CCDC102B: variants seen among roughly 807,000 people sequenced by gnomAD.
CCDC102B encodes coiled-coil domain containing 102B.
A neutral mutation model predicts 57.4 loss-of-function variants in CCDC102B; 75 were observed. The observed-to-expected ratio is 1.31, with a 90% CI of 1.08 to 1.58. CCDC102B has a LOEUF of 1.58. Ranked by LOEUF, CCDC102B falls within the 40% of genes most tolerant of loss-of-function variation. The probability of loss-of-function intolerance (pLI) is 0.00; values close to 1 mark genes in which losing one functional copy is unlikely to be tolerated. For missense variants in CCDC102B, 636 were observed against 582.6 expected (o/e 1.09, Z -0.94); for synonymous variants, 206 against 201.9 (o/e 1.02, Z -0.17).
chr18:68,990,760 A>G (rs2050843461), intron 6 of CCDC102B, among the ~76,000 whole-genome samples: 1 of 152,178 alleles, frequency 6.6e-6, no homozygotes, highest in Non-Finnish European at 1.5e-5. Context: ...TATTAGAAGT[A>G]ATGTTGAGTA....
chr18:68,779,133 G>A (rs2034922468), intron 2 of CCDC102B, among the ~76,000 whole-genome samples: 1 of 151,972 alleles, frequency 6.6e-6, no homozygotes, highest in Non-Finnish European at 1.5e-5. Context: ...TCATCTCCCA[G>A]TAGCTTGATA....
chr18:68,943,861 C>T (rs373734339), intron 6 of CCDC102B, among the ~76,000 whole-genome samples: 58 of 152,108 alleles, frequency 3.8e-4, no homozygotes, highest in African/African-American at 9.9e-4. Flanking sequence ...ATTCTACAGA[C>T]GTAAAAACCT....
intron 6 of CCDC102B, among the ~76,000 whole-genome samples, chr18:68,959,750 A>G (rs2049998913): frequency 6.6e-6 from 1 of 151,934 alleles, no homozygotes; most frequent in Non-Finnish European, 1.5e-5. Flanking sequence ...TCAAGCAGAA[A>G]TGTCTCCCTA....
intron 6 of CCDC102B, among the ~76,000 whole-genome samples, chr18:68,980,397 A>G (rs965461962): frequency 1.6e-5 from 2 of 128,194 alleles, no homozygotes; most frequent in African/African-American, 6.9e-5. Flanking sequence ...GTCTTGGTGA[A>G]AAAAAAAAAA....
chr18:68,767,240 G>A (rs1237494171), intron 2 of CCDC102B, among the ~76,000 whole-genome samples: 1 of 152,212 alleles, frequency 6.6e-6, no homozygotes, highest in African/African-American at 2.4e-5. Context: ...GACCTCATAT[G>A]TGAAGCTCTA....
intron 7 of CCDC102B, among the ~76,000 whole-genome samples, chr18:69,021,289 T>C (rs2051825898): frequency 6.6e-6 from 1 of 152,206 alleles, no homozygotes; most frequent in African/African-American, 2.4e-5. Flanking sequence ...GATTTTAAGA[T>C]TATGAGAATA....
At chr18:69,039,524 T>C (rs1188927890) in intron 7 of CCDC102B, among the ~76,000 whole-genome samples, 4 of 151,952 alleles carry the variant, frequency 2.6e-5, no homozygotes, top group South Asian at 2.1e-4. Context: ...TATTATTATA[T>C]TGATATTTTA....
intron 2 of CCDC102B, among the ~76,000 whole-genome samples, chr18:68,725,747 G>A (rs1244606900): frequency 1.3e-5 from 2 of 152,112 alleles, no homozygotes; most frequent in African/African-American, 4.8e-5. Flanking sequence ...AAAGTCACCT[G>A]GTTAATTTTA....
At chr18:68,881,013 C>T (rs78907303) in intron 5 of CCDC102B, among the ~76,000 whole-genome samples, 1,616 of 152,256 alleles carry the variant, frequency 0.011, 36 homozygotes, top group East Asian at 0.08. Context: ...ATATTTGAGT[C>T]TCTGATTTTA....
At chr18:68,782,803 C>A (rs927024811) in intron 2 of CCDC102B, among the ~76,000 whole-genome samples, 4 of 152,094 alleles carry the variant, frequency 2.6e-5, no homozygotes, top group African/African-American at 7.2e-5. Context: ...TTTCATAATA[C>A]AGTAAAAATA....
chr18:68,931,654 G>C (rs12961875), intron 6 of CCDC102B, among the ~76,000 whole-genome samples: 84,974 of 151,704 alleles, frequency 0.56, 24,106 homozygotes, highest in African/African-American at 0.6. Context: ...GTAAGAATGG[G>C]GTCAGGGGAG....
At position 68,732,442 on chromosome 18, in the gene CCDC102B, T is replaced by G. The variant is rs140817988; in HGVS notation, c.-67+15848T>G. ...CTCATTGCAACCTCCGCCTCCCAAG[T>G]TCAAGCAATTCTCTGCCTCAGCCTC... On this transcript the variant is annotated intron_variant, in intron 2 of 3. Transcript: ENST00000578970. Among the ~76,000 whole-genome samples the G allele has an allele frequency of 8.2e-4, 124 of 151,978 alleles. 1 individual carries two copies. In the East Asian group the frequency reaches 0.015, roughly 19 times the overall value.
Position 68,810,671 on chromosome 18 carries a change from C to CTTTGTTTGTTTTTTTTTT in CCDC102B, c.-16+12493_-16+12494insGTTTGTTTTTTTTTTTTT, listed in dbSNP as rs1568263108. Among the ~76,000 whole-genome samples, 3 of 70,056 alleles carry CTTTGTTTGTTTTTTTTTT rather than the reference C, an allele frequency of 4.3e-5. 1 individual carries two copies. The highest frequency in any genetic ancestry group is 6.4e-5 in the Non-Finnish European group (2 of 31,036). The allele number at this position is 70,056 out of a possible 152,430, so 46.0% of individuals were successfully genotyped here. On this transcript the variant is annotated intron_variant, in intron 1 of 7. Transcript: ENST00000360242. ...AGACGGTTTTGAAAAATTTTCTTTTCTTTTCTTTGTTTTTTTTTTTTTTTT... is the reference window on the plus strand; with the variant it reads ...AGACGGTTTTGAAAAATTTTCTTTTCTTTGTTTGTTTTTTTTTTTTTTCTTTGTTTTTTTTTTTTTTTT...
intron 5 of CCDC102B, among the ~76,000 whole-genome samples, chr18:68,875,506 A>C (rs193182650): frequency 6.6e-6 from 1 of 152,296 alleles, no homozygotes; most frequent in Non-Finnish European, 1.5e-5. Context: ...TTACAGACTG[A>C]AATGAATTTA....
chr18:68,782,282 A>G (rs2035030613), intron 2 of CCDC102B, among the ~76,000 whole-genome samples: 1 of 152,120 alleles, frequency 6.6e-6, no homozygotes, highest in Non-Finnish European at 1.5e-5. Flanking sequence ...AGGAAAATCA[A>G]CCTATACACC....
chr18:68,870,591 A>G (rs2039201396), intron 4 of CCDC102B, among the ~76,000 whole-genome samples: 1 of 152,234 alleles, frequency 6.6e-6, no homozygotes, highest in Admixed American at 6.5e-5. Context: ...GAGATATTTT[A>G]GAAGAGATGT....
intron 7 of CCDC102B, among the ~76,000 whole-genome samples, chr18:69,022,685 C>A: frequency 6.6e-6 from 1 of 152,168 alleles, no homozygotes; most frequent in Non-Finnish European, 1.5e-5. Flanking sequence ...TTATCCTCAT[C>A]CCCCACTCCC....
At chr18:68,946,533 A>C (rs1485423116) in intron 6 of CCDC102B, among the ~76,000 whole-genome samples, 3 of 152,066 alleles carry the variant, frequency 2.0e-5, no homozygotes, top group Non-Finnish European at 4.4e-5. Flanking sequence ...TATCATTCAA[A>C]ATAATTTTCT....
intron 2 of CCDC102B, among the ~76,000 whole-genome samples, chr18:68,736,427 A>G (rs2033131989): frequency 6.6e-6 from 1 of 152,250 alleles, no homozygotes; most frequent in Non-Finnish European, 1.5e-5. Flanking sequence ...TAAGAGCTTT[A>G]TTATTTAAAT....
Sources: gnomAD v4.1 joint callset for allele counts (sites outside exome capture counted in the v4.1 genomes callset) on GRCh38, gnomAD v4.1.1 for gene constraint, MANE v1.5 for transcripts, NCBI Gene and HGNC (gene_info 2026-07-23, HGNC 2026-07-21) for gene names.